The following PGM3 variants were observed in gnomAD, a reference collection of about 807,000 sequenced individuals.
PGM3 encodes phosphoacetylglucosamine mutase.
Under a neutral mutation model 66.2 loss-of-function variants are expected in PGM3, and 40 were observed. The ratio of observed to expected loss-of-function variants is 0.60; its 90% CI spans 0.47 to 0.79. PGM3 has a LOEUF of 0.79. Ranked by LOEUF, PGM3 falls within the 30% of genes least tolerant of loss-of-function variation. The pLI, the probability that PGM3 is intolerant of heterozygous loss-of-function variation, is 0.00. For synonymous variants in PGM3, 191 were observed against 224.2 expected, an observed-to-expected ratio of 0.85 and a Z score of 1.32; for missense variants, 537 against 643.4, an observed-to-expected ratio of 0.83 and a Z score of 1.79.
rs911182937 is a variant in PGM3, at chr6:83,182,947, G to A, written c.489C>T (p.His163=). The A allele has an allele frequency of 4.3e-6, 7 of 1,613,872 alleles. No individual in the cohort carries two copies. Among genetic ancestry groups the A allele is most frequent in the Non-Finnish European group, 5.1e-6 (6 of 1,179,834 alleles). The change falls in exon 5 of 13, where the codon CAC becomes CAT. Residue 163 remains histidine (H), a synonymous_variant. Coordinates refer to ENST00000513973, the MANE Select transcript of PGM3 (RefSeq NM_015599.3). ...CCGTGTTTCGACAATACACCATGTA[G>A]TGCAGCTGGGGTGTTGTTAACAAGC... ...DYGLLTTPQL[H]YMVYCRNTGG...
chr6:83,162,141 A>T (rs1301347398), downstream of PGM3, among the ~76,000 whole-genome samples: 1 of 152,118 alleles, frequency 6.6e-6, no homozygotes, highest in Non-Finnish European at 1.5e-5. Context: ...AACTCTCTGG[A>T]CGGACTTACG....
chr6:83,167,466 C>T lies in PGM3; in HGVS notation c.*1768G>A. On this transcript the variant is annotated 3_prime_UTR_variant, in exon 13 of 13. Coordinates refer to ENST00000513973, the MANE Select transcript of PGM3 (RefSeq NM_015599.3). ...GATATATTATGAAATGTATAAAGCA[C>T]TTTGTTCCTTTTTTCTGTAGTAATT... The T allele has an allele frequency of 1.0e-6, 1 of 990,212 alleles. No homozygotes were observed. The highest frequency in any genetic ancestry group is 4.6e-5 in the South Asian group (1 of 21,532). The allele number at this position is 990,212 out of a possible 1,614,324, so 61.3% of individuals were successfully genotyped here.
downstream of PGM3, chr6:83,156,241 CAATG>C (rs1782761043): frequency 2.9e-6 from 2 of 691,760 alleles, no homozygotes; most frequent in African/African-American, 1.8e-5. Flanking sequence ...TCTACTGAAA[CAATG>C]AAAATTATCA....
At chr6:83,173,060 G>GTGTT (rs1787416226) in intron 10 of PGM3, among the ~76,000 whole-genome samples, 2 of 152,098 alleles carry the variant, frequency 1.3e-5, no homozygotes, top group Non-Finnish European at 2.9e-5. Context: ...AAAGAATTTA[G>GTGTT]TGTTTCCGAC....
At chr6:83,161,849 G>A (rs561161198), downstream of PGM3, among the ~76,000 whole-genome samples, 1 of 152,110 alleles carries the variant, frequency 6.6e-6, no homozygotes, top group South Asian at 2.1e-4. Flanking sequence ...TATATTCTCA[G>A]ATGTGCACAA....
At chr6:83,153,477 CAT>C in the PGM3 span, 1 of 1,422,052 alleles carries the variant, frequency 7.0e-7, no homozygotes. Context: ...AGTTTCACCT[CAT>C]ATGTTACTCT....
chr6:83,150,956 T>C, the PGM3 span, among the ~76,000 whole-genome samples: 1 of 152,174 alleles, frequency 6.6e-6, no homozygotes, highest in South Asian at 2.1e-4. Context: ...TCCACACCTC[T>C]CCCAATTACT....
Position 83,174,494 on chromosome 6 carries a change from C to CA in PGM3, c.1129-8dup. 1.4e-6 allele frequency: 2 copies of CA among 1,443,446 alleles called. No homozygotes were observed. The highest frequency in any genetic ancestry group is 1.9e-6 in the Non-Finnish European group (2 of 1,048,334). The allele number at this position is 1,443,446 out of a possible 1,614,324, so 89.4% of individuals were successfully genotyped here. A position where few individuals can be genotyped will look rare whatever the true frequency, so the allele number is the denominator to read the frequency against. Reference sequence around the variant, plus strand: ...CAGCTGTACTAAACAGTGCCTGCAGCAAAAGAATATAAAATCAGTCTCAAA... The same window carrying CA: ...CAGCTGTACTAAACAGTGCCTGCAGCAAAAAGAATATAAAATCAGTCTCAAA... On this transcript the variant is annotated splice_polypyrimidine_tract_variant and splice_region_variant and intron_variant, in intron 9 of 12. Transcript: ENST00000513973.
In PGM3 at chr6:83,191,204, A is replaced by T. The variant is rs73749738; in HGVS notation, c.-2-190T>A. On this transcript the variant is annotated intron_variant, in intron 1 of 12. Transcript: ENST00000513973. ...AGAATTACCTACAAGATGTTGTCCA[A>T]CTTGGTATGTCCACTCCTGGGCAGA... The T allele has an allele frequency of 9.5e-3, 14,525 of 1,534,568 alleles. 494 individuals are homozygous for T. Among genetic ancestry groups the T allele is most frequent in the African/African-American group, 0.084 (6,108 of 73,004 alleles).
chr6:83,184,887 T>A (rs543052929), intron 4 of PGM3, among the ~76,000 whole-genome samples: 33 of 152,338 alleles, frequency 2.2e-4, no homozygotes, highest in Admixed American at 1.8e-3. Flanking sequence ...AAGATTTGTA[T>A]GAATTAGTCC....
rs182046391 is a variant in PGM3, at chr6:83,188,774, C to T, written c.229G>A (p.Asp77Asn). ...PEEDNGVKLV[D>N]PLGEMLAPSW... is the part of the protein sequence containing the mutation. ...GGTGCCAACATTTCACCCAAAGGAT[C>T]AACCAATTTTACACCATTGTCTTCC... The change falls in exon 3 of 13, where the codon GAT (aspartate) becomes AAT (asparagine). Residue 77 changes from aspartate (D) to asparagine (N), a missense_variant. By Grantham distance (23) the Asp-to-Asn change is conservative. Transcript: ENST00000513973. 1 of 1,613,992 alleles carries T rather than the reference C, an allele frequency of 6.2e-7. No individual in the cohort carries two copies. Among genetic ancestry groups the T allele is most frequent in the Non-Finnish European group, 8.5e-7 (1 of 1,179,944 alleles).
intron 12 of PGM3, chr6:83,169,958 T>G (rs1297110519): frequency 5.2e-6 from 2 of 382,414 alleles, no homozygotes; most frequent in African/African-American, 4.2e-5. Context: ...AGCTGGTTGT[T>G]TTCATGTCAC....
chr6:83,158,460 A>G (rs1583173397), downstream of PGM3: 2 of 864,058 alleles, frequency 2.3e-6, no homozygotes, highest in East Asian at 5.5e-5. Context: ...GATTCTGAAA[A>G]TGTATTCTAA....
chr6:83,190,668 A>G (rs977653526), intron 2 of PGM3, 141 bp downstream of exon 2: 1 of 652,686 alleles, frequency 1.5e-6, no homozygotes, highest in Non-Finnish European at 2.7e-6. Context: ...AAAAAAAAAA[A>G]GTTGTTTCAC....
chr6:83,160,863 T>C (rs936778018), downstream of PGM3, among the ~76,000 whole-genome samples: 2 of 152,126 alleles, frequency 1.3e-5, no homozygotes, highest in Admixed American at 1.3e-4. Context: ...TTGGACATGC[T>C]CCAAAATTTG....
At chr6:83,152,554 G>C in the PGM3 span, among the ~76,000 whole-genome samples, 193 of 151,214 alleles carry the variant, frequency 1.3e-3, 1 homozygote, top group Non-Finnish European at 7.7e-4. Context: ...CCAAACATTA[G>C]TGATAAATTT....
Position 83,168,621 on chromosome 6 carries a change from A to G in PGM3, c.*613T>C. On this transcript the variant is annotated 3_prime_UTR_variant, in exon 13 of 13. Coordinates refer to ENST00000513973, the MANE Select transcript of PGM3 (RefSeq NM_015599.3). Reference sequence around the variant, plus strand: ...GTTTTTCTCCCACATACCTTCACCAAGAGCAGTGAAGAATAACTGAAGGCT... The same window carrying G: ...GTTTTTCTCCCACATACCTTCACCAGGAGCAGTGAAGAATAACTGAAGGCT... 1 of 996,742 alleles carries G rather than the reference A, an allele frequency of 1.0e-6. No homozygotes were observed. The highest frequency in any genetic ancestry group is 1.2e-6 in the Non-Finnish European group (1 of 837,136). The allele number at this position is 996,742 out of a possible 1,614,324, so 61.7% of individuals were successfully genotyped here. A position where few individuals can be genotyped will look rare whatever the true frequency, so the allele number is the denominator to read the frequency against.
At chr6:83,159,332 G>A (rs144852344), downstream of PGM3, among the ~76,000 whole-genome samples, 95 of 152,210 alleles carry the variant, frequency 6.2e-4, 1 homozygote, top group African/African-American at 2.0e-3. Context: ...GGAATGCAGT[G>A]GTGTGATCCT....
At chr6:83,153,486 C>T in the PGM3 span, 27 of 1,495,502 alleles carry the variant, frequency 1.8e-5, no homozygotes, top group Middle Eastern at 6.9e-4. Flanking sequence ...TCATATGTTA[C>T]TCTTCATTTT....
Sources: gnomAD v4.1 joint callset for allele counts (sites outside exome capture counted in the v4.1 genomes callset) on GRCh38, gnomAD v4.1.1 for gene constraint, MANE v1.5 for transcripts, NCBI Gene and HGNC (gene_info 2026-07-23, HGNC 2026-07-21) for gene names.